Variants in ALK observed in about 807,000 individuals in gnomAD.
ALK encodes the protein ALK receptor tyrosine kinase.
ALK carries 74 observed loss-of-function variants against 163.1 expected under a neutral mutation model. The ratio of observed to expected loss-of-function variants is 0.45; its 90% confidence interval spans 0.38 to 0.55. ALK has a LOEUF of 0.55. ALK is among the 20% of genes least tolerant of loss of function. ALK has a pLI of 0.00. For synonymous variants in ALK, 960 were observed against 843.2 expected, an observed-to-expected ratio of 1.14 and a Z score of -2.40; for missense variants, 2,063 against 2,105.3, an observed-to-expected ratio of 0.98 and a Z score of 0.39.
At chr2:29,858,394 C>T (rs371127240) in intron 1 of ALK, among the ~76,000 whole-genome samples, 1 of 152,046 alleles carries the variant, frequency 6.6e-6, no homozygotes, top group East Asian at 1.9e-4. Context: ...GAACCACCCC[C>T]CTCTCGCACA....
chr2:29,213,901 G>C (rs2148159011), intron 24 of ALK, 83 bp downstream of exon 24: 1 of 1,174,002 alleles, frequency 8.5e-7, no homozygotes, highest in Non-Finnish European at 1.3e-6. Context: ...CTCTGAAGGG[G>C]GAAATGTGAG....
chr2:29,360,070 G>T (rs958520909), intron 5 of ALK, among the ~76,000 whole-genome samples: 2 of 152,204 alleles, frequency 1.3e-5, no homozygotes, highest in Non-Finnish European at 2.9e-5. Flanking sequence ...AAGAATGTGG[G>T]TCTCAGGGAT....
chr2:29,716,537 G>A (rs1679260257), intron 2 of ALK, among the ~76,000 whole-genome samples: 1 of 152,174 alleles, frequency 6.6e-6, no homozygotes, highest in South Asian at 2.1e-4. Flanking sequence ...CTTATACCAT[G>A]TAAAGGCAGC....
chr2:29,228,769 A>T, intron 16 of ALK, 115 bp downstream of exon 16: 2 of 759,970 alleles, frequency 2.6e-6, no homozygotes, highest in Non-Finnish European at 4.7e-6. Flanking sequence ...GTGCAGTCAC[A>T]TCACAGTCCA....
chr2:29,402,902 C>G (rs1156633739), intron 4 of ALK, among the ~76,000 whole-genome samples: 2 of 152,130 alleles, frequency 1.3e-5, no homozygotes, highest in Non-Finnish European at 2.9e-5. Flanking sequence ...TTTGTTACCC[C>G]CAATTCTTTT....
chr2:29,580,484 C>T (rs1156813904), intron 3 of ALK, among the ~76,000 whole-genome samples: 1 of 152,206 alleles, frequency 6.6e-6, no homozygotes, highest in Non-Finnish European at 1.5e-5. Context: ...AGCCACAGCA[C>T]ACGTCTCCGG....
In ALK at chr2:29,532,201, G is replaced by C. The variant is rs1376692190; in HGVS notation, c.953-85C>G. ...CTGTGGCAAGACTTAGAGACAAATG[G>C]CATCAAAATCAGAGATACTGGAGGC... is the stretch of plus-strand genomic sequence containing the variant. On this transcript the variant is annotated intron_variant, in intron 3 of 28. Coordinates refer to ENST00000389048, the MANE Select transcript of ALK (RefSeq NM_004304.5). 2 of 1,310,692 alleles carry C rather than the reference G, an allele frequency of 1.5e-6. 1 individual carries two copies. Among genetic ancestry groups the C allele is most frequent in the Non-Finnish European group, 2.2e-6 (2 of 924,628 alleles). 81.2% of individuals were successfully genotyped at this position (1,310,692 alleles called of 1,614,324 possible).
chr2:29,897,769 T>G (rs1347400949), intron 1 of ALK, among the ~76,000 whole-genome samples: 1 of 152,190 alleles, frequency 6.6e-6, no homozygotes, highest in Non-Finnish European at 1.5e-5. Flanking sequence ...CTTACCCTTC[T>G]CAGGCTTTCC....
intron 1 of ALK, 139 bp from the exon 2 acceptor site, chr2:29,717,836 C>A: frequency 9.1e-7 from 1 of 1,094,872 alleles, no homozygotes; most frequent in Non-Finnish European, 1.4e-6. Context: ...AAAAATTGAG[C>A]CACCAGTAGA....
At chr2:29,850,765 C>T (rs574201654) in intron 1 of ALK, among the ~76,000 whole-genome samples, 7 of 152,192 alleles carry the variant, frequency 4.6e-5, no homozygotes, top group East Asian at 1.9e-4. Context: ...AACTGTTCCC[C>T]GGGAATACAG....
intron 4 of ALK, among the ~76,000 whole-genome samples, chr2:29,490,507 C>T (rs1231831590): frequency 6.6e-6 from 1 of 152,168 alleles, no homozygotes; most frequent in Non-Finnish European, 1.5e-5. Flanking sequence ...AGGCCTCGTT[C>T]CAGCCTAGAG....
chr2:29,670,260 A>G (rs1323030510), intron 3 of ALK, among the ~76,000 whole-genome samples: 2 of 152,076 alleles, frequency 1.3e-5, no homozygotes, highest in African/African-American at 4.8e-5. Flanking sequence ...TTTCCTTCAT[A>G]GTTGAAGAAT....
At chr2:29,801,839 G>A (rs932955645) in intron 1 of ALK, among the ~76,000 whole-genome samples, 4 of 152,142 alleles carry the variant, frequency 2.6e-5, no homozygotes, top group Non-Finnish European at 4.4e-5. Context: ...ATCAGCTTTA[G>A]GATCCTGAAG....
At chr2:29,916,546 C>G (rs1667839901) in intron 1 of ALK, among the ~76,000 whole-genome samples, 1 of 152,246 alleles carries the variant, frequency 6.6e-6, no homozygotes, top group Non-Finnish European at 1.5e-5. Context: ...CCTTTGCTCT[C>G]TCTGCCCACT....
chr2:29,821,927 C>T (rs1266291822), intron 1 of ALK, among the ~76,000 whole-genome samples: 7 of 152,176 alleles, frequency 4.6e-5, no homozygotes, highest in African/African-American at 1.7e-4. Context: ...GGCTATTGCA[C>T]ACATTGTCTG....
chr2:29,538,190 G>GC (rs1309664307), intron 3 of ALK, among the ~76,000 whole-genome samples: 2 of 147,652 alleles, frequency 1.4e-5, no homozygotes, highest in African/African-American at 5.3e-5. Flanking sequence ...CATGATATTT[G>GC]GGGGGGGCAG....
chr2:29,680,138 T>C (rs183605829), intron 3 of ALK, among the ~76,000 whole-genome samples: 1 of 152,024 alleles, frequency 6.6e-6, no homozygotes. Flanking sequence ...AACAATATGA[T>C]GATGATATGT....
chr2:29,766,124 C>T (rs1360663034), intron 1 of ALK, among the ~76,000 whole-genome samples: 1 of 152,188 alleles, frequency 6.6e-6, no homozygotes, highest in Non-Finnish European at 1.5e-5. Context: ...ATTAACTCAA[C>T]AGAATCCACA....
chr2:29,795,764 A>C (rs1167838710), intron 1 of ALK, among the ~76,000 whole-genome samples: 1 of 152,224 alleles, frequency 6.6e-6, no homozygotes, highest in African/African-American at 2.4e-5. Flanking sequence ...TAAAAATACT[A>C]AATTGTTAAC....
Sources: allele counts gnomAD v4.1 joint callset (sites outside exome capture counted in the v4.1 genomes callset), GRCh38; gene constraint gnomAD v4.1.1; transcripts MANE v1.5; gene names NCBI Gene and HGNC (gene_info 2026-07-23, HGNC 2026-07-21).